Variants in ARIH1 observed in about 807,000 individuals in gnomAD.
ARIH1 encodes the protein ariadne RBR E3 ubiquitin protein ligase 1, also known as E3 ubiquitin-protein ligase ARIH1.
In ARIH1, 8 loss-of-function variants were observed where a neutral mutation model predicts 85.0. That is an observed-to-expected ratio of 0.09 (90% CI 0.06 to 0.17). The LOEUF (loss-of-function observed/expected upper bound fraction) is 0.17. Ranked by LOEUF, ARIH1 falls within the 10% of genes least tolerant of loss-of-function variation. The pLI is 1.00. For synonymous variants in ARIH1, 238 were observed against 253.6 expected (o/e 0.94, Z 0.59); for missense variants, 311 against 718.1 (o/e 0.43, Z 6.48).
rs1196422038 is a variant in ARIH1 at position 72,546,137 on chromosome 15, G to T, written c.588+1173G>T. On this transcript the variant is annotated intron_variant, in intron 3 of 13. Transcript: ENST00000379887. ...ACTACAGCCTTCATCAGACTCTTGG[G>T]CTCAAGTGATCCTTTTCCCTCAGCC... Among the ~76,000 whole-genome samples the T allele has an allele frequency of 3.3e-5, 5 of 152,148 alleles. No homozygotes were observed. In the East Asian group the frequency reaches 9.6e-4, roughly 29 times the overall value.
chr15:72,564,236 G>C (rs2064209498), intron 7 of ARIH1, among the ~76,000 whole-genome samples: 1 of 152,122 alleles, frequency 6.6e-6, no homozygotes, highest in African/African-American at 2.4e-5. Context: ...TCCTCAACCA[G>C]ATATTCAGTT....
rs1420083695 is a variant in ARIH1 at position 72,596,157 on chromosome 15, G to T, written c.*12865G>T. 1 of 152,058 alleles carries T rather than the reference G, an allele frequency of 6.6e-6. No homozygotes were observed. The highest frequency in any genetic ancestry group is 2.4e-5 in the African/African-American group (1 of 41,416). The allele number at this position is 152,058 out of a possible 1,614,324, so 9.4% of individuals were successfully genotyped here. On this transcript the variant is annotated 3_prime_UTR_variant, in exon 14 of 14. Transcript: ENST00000379887. ...CCTACTGCAGTTTTTAATAAGAGAT[G>T]AGTTCTCTCAGCTTTTGTCTATAAG...
rs191944209 is a variant in ARIH1 at position 72,549,572 on chromosome 15, T to C, written c.588+4608T>C. Reference sequence around the variant, plus strand: ...TGAAAATACCTACGTCCCACCCTATTTTCCTTTTAACACATTACATTTTAC... The same window carrying C: ...TGAAAATACCTACGTCCCACCCTATCTTCCTTTTAACACATTACATTTTAC... On this transcript the variant is annotated intron_variant, in intron 3 of 13. Coordinates refer to ENST00000379887, the MANE Select transcript of ARIH1 (RefSeq NM_005744.5). 1.3e-3 allele frequency among the ~76,000 whole-genome samples: 192 copies of C among 152,268 alleles called. 1 individual carries two copies. Among genetic ancestry groups the C allele is most frequent in the African/African-American group, 4.5e-3 (186 of 41,548 alleles).
intron 2 of ARIH1, among the ~76,000 whole-genome samples, chr15:72,539,244 A>G (rs1156502080): frequency 1.3e-5 from 2 of 152,214 alleles, no homozygotes; most frequent in Non-Finnish European, 2.9e-5. Flanking sequence ...ACTTCCAGAT[A>G]GTGCCCAGGT....
At position 72,506,355 on chromosome 15, in the gene ARIH1, A is replaced by AAAAAAAAAAAAG. The variant is rs959687474; in HGVS notation, c.376-11702_376-11701insAGAAAAAAAAAA. On this transcript the variant is annotated intron_variant, in intron 1 of 13. Transcript: ENST00000379887. ...ACAGAGCAAGACTCCGTCTCACAAA[A>AAAAAAAAAAAAG]AAAAAAAAAAGAAAAAAAAAAAGAA... Among the ~76,000 whole-genome samples, 8 of 148,326 alleles carry AAAAAAAAAAAAG rather than the reference A, an allele frequency of 5.4e-5. 2 individuals are homozygous for AAAAAAAAAAAAG. Among genetic ancestry groups the AAAAAAAAAAAAG allele is most frequent in the Non-Finnish European group, 9.0e-5 (6 of 66,932 alleles).
At chr15:72,480,972 AT>A (rs1280050883) in intron 1 of ARIH1, among the ~76,000 whole-genome samples, 1 of 152,198 alleles carries the variant, frequency 6.6e-6, no homozygotes, top group Non-Finnish European at 1.5e-5. Flanking sequence ...ACCTCAGTTA[AT>A]TGGAGATGTT....
intron 2 of ARIH1, among the ~76,000 whole-genome samples, chr15:72,533,711 A>G (rs554904227): frequency 4.5e-4 from 69 of 152,272 alleles, no homozygotes; most frequent in African/African-American, 1.6e-3. Flanking sequence ...GTTACAGATC[A>G]GCTTGGGCAA....
intron 2 of ARIH1, among the ~76,000 whole-genome samples, chr15:72,537,382 G>C (rs1260095008): frequency 1.3e-5 from 2 of 152,158 alleles, no homozygotes; most frequent in South Asian, 2.1e-4. Context: ...ACACAATCAT[G>C]ATTTTTTAAA....
chr15:72,542,078 A>C (rs1434365540), intron 2 of ARIH1, among the ~76,000 whole-genome samples: 1 of 152,200 alleles, frequency 6.6e-6, no homozygotes, highest in Non-Finnish European at 1.5e-5. Flanking sequence ...AGATTTTTGG[A>C]TTGAAATGAA....
rs1057349338 is a variant in ARIH1, at chr15:72,495,875, A to G, written c.375+20861A>G. Among the ~76,000 whole-genome samples the G allele has an allele frequency of 5.3e-5, 8 of 152,184 alleles. No homozygotes were observed. The South Asian group carries it at 8.3e-4, about 16-fold the overall frequency. On this transcript the variant is annotated intron_variant, in intron 1 of 13. Coordinates refer to ENST00000379887, the MANE Select transcript of ARIH1 (RefSeq NM_005744.5). Reference sequence around the variant, plus strand: ...TGTAACTATATATGCTATATAAACTATGATATACAAATATATATACTATAC... The same window carrying G: ...TGTAACTATATATGCTATATAAACTGTGATATACAAATATATATACTATAC...
chr15:72,588,006 G>T lies in ARIH1; in HGVS notation c.*4714G>T, dbSNP rs944311844. 3 of 152,110 alleles carry T rather than the reference G, an allele frequency of 2.0e-5. No homozygotes were observed. Among genetic ancestry groups the T allele is most frequent in the African/African-American group, 7.2e-5 (3 of 41,400 alleles). The allele number at this position is 152,110 out of a possible 1,614,324, so 9.4% of individuals were successfully genotyped here. On this transcript the variant is annotated 3_prime_UTR_variant, in exon 14 of 14. Transcript: ENST00000379887. ...TATGCTTATTTAGGACTATTTTCAG[G>T]GTAGGAGCCAGTTAAAGTTTGTATA...
chr15:72,561,469 A>G lies in ARIH1; in HGVS notation c.738-14A>G, dbSNP rs779644861. 1 of 1,556,064 alleles carries G rather than the reference A, an allele frequency of 6.4e-7. No individual in the cohort carries two copies. On this transcript the variant is annotated splice_polypyrimidine_tract_variant and intron_variant, in intron 5 of 13. Coordinates refer to ENST00000379887, the MANE Select transcript of ARIH1 (RefSeq NM_005744.5). ...ACTGGAAACTTTCTAATCTATTTTT[A>G]TTCTTGGTTTCAGGCGCCTGATCAC... is the stretch of plus-strand genomic sequence containing the variant.
At chr15:72,578,023 A>G (rs1223228621) in intron 11 of ARIH1, among the ~76,000 whole-genome samples, 3 of 152,162 alleles carry the variant, frequency 2.0e-5, no homozygotes, top group Non-Finnish European at 4.4e-5. Flanking sequence ...TCTAATGTCA[A>G]TTTATTTTCT....
chr15:72,507,281 C>T (rs1187865217), intron 1 of ARIH1, among the ~76,000 whole-genome samples: 2 of 152,180 alleles, frequency 1.3e-5, no homozygotes, highest in African/African-American at 4.8e-5. Flanking sequence ...GCCTTGGCCT[C>T]CCAAAGTGCT....
intron 2 of ARIH1, among the ~76,000 whole-genome samples, chr15:72,519,221 C>G (rs892672913): frequency 5.3e-5 from 8 of 151,662 alleles, no homozygotes; most frequent in Non-Finnish European, 8.8e-5. Flanking sequence ...AAAGTATTTC[C>G]CATTTGATTT....
At chr15:72,485,279 C>T (rs1175503097) in intron 1 of ARIH1, among the ~76,000 whole-genome samples, 2 of 152,072 alleles carry the variant, frequency 1.3e-5, no homozygotes, top group African/African-American at 2.4e-5. Context: ...ATTTTCTTAC[C>T]TGGGGATTTT....
At chr15:72,476,871 T>C (rs1403240506) in intron 1 of ARIH1, among the ~76,000 whole-genome samples, 2 of 152,230 alleles carry the variant, frequency 1.3e-5, no homozygotes, top group Non-Finnish European at 2.9e-5. Flanking sequence ...ATTACAGAAA[T>C]ACTCTGAACA....
At chr15:72,481,982 G>A (rs1466808830) in intron 1 of ARIH1, among the ~76,000 whole-genome samples, 1 of 151,896 alleles carries the variant, frequency 6.6e-6, no homozygotes, top group Non-Finnish European at 1.5e-5. Flanking sequence ...GATTACAGGC[G>A]CCCACCACTA....
chr15:72,510,433 A>G (rs990007279), intron 1 of ARIH1, among the ~76,000 whole-genome samples: 4 of 152,094 alleles, frequency 2.6e-5, no homozygotes, highest in Non-Finnish European at 5.9e-5. Context: ...TTAATTTTGT[A>G]TTAAATGTGA....
Sources: gnomAD v4.1 joint callset for allele counts (sites outside exome capture counted in the v4.1 genomes callset) on GRCh38, gnomAD v4.1.1 for gene constraint, MANE v1.5 for transcripts, NCBI Gene and HGNC (gene_info 2026-07-23, HGNC 2026-07-21) for gene names.